Variants in MAN1A1 observed in about 807,000 individuals in gnomAD.
MAN1A1 encodes mannosidase alpha class 1A member 1, also known as mannosyl-oligosaccharide 1,2-alpha-mannosidase IA.
In MAN1A1, 29 loss-of-function variants were observed where a neutral mutation model predicts 70.8. The observed-to-expected ratio is 0.41, with a 90% CI of 0.31 to 0.56. MAN1A1 has a LOEUF of 0.56. MAN1A1 is among the 20% of genes least tolerant of loss of function. The pLI, the probability that MAN1A1 is intolerant of heterozygous loss-of-function variation, is 0.29. For missense variants in MAN1A1, 747 were observed against 841.3 expected, an observed-to-expected ratio of 0.89 and a Z score of 1.39; for synonymous variants, 349 against 330.1, an observed-to-expected ratio of 1.06 and a Z score of -0.62.
rs116001356 is a variant in MAN1A1, at chr6:119,194,561, C to T, written c.1211-669G>A. Among the ~76,000 whole-genome samples the T allele has an allele frequency of 2.8e-3, 424 of 152,162 alleles. 4 individuals are homozygous for T. The highest frequency in any genetic ancestry group is 9.4e-3 in the African/African-American group (391 of 41,522). On this transcript the variant is annotated intron_variant, in intron 8 of 12. Coordinates refer to ENST00000368468, the MANE Select transcript of MAN1A1 (RefSeq NM_005907.4). ...CTGATATACAACTCCTGGCCTCAAG[C>T]AATCCTCCCACCTGGGCCTCTCACA...
chr6:119,181,026 C>T (rs1773140027), intron 11 of MAN1A1, among the ~76,000 whole-genome samples: 1 of 152,166 alleles, frequency 6.6e-6, no homozygotes, highest in African/African-American at 2.4e-5. Flanking sequence ...TGGTCTGGAG[C>T]AGGGTTTAGC....
chr6:119,226,069 T>G (rs1259747962), intron 6 of MAN1A1, among the ~76,000 whole-genome samples: 1 of 152,192 alleles, frequency 6.6e-6, no homozygotes, highest in East Asian at 1.9e-4. Context: ...CTCTACCATT[T>G]TAAAGTTCCT....
Position 119,188,438 on chromosome 6 carries a change from T to C in MAN1A1, c.1686A>G (p.Pro562=). Residue 562 remains proline (P), a synonymous_variant, in exon 11 of 13, where the codon CCA becomes CCG. Transcript: ENST00000368468. ...YMYMWRLTHD[P]KYRKWAWEAV... is the part of the protein sequence containing the mutation. Reference sequence around the variant, plus strand: ...CTTCCCAGGCCCATTTCCTGTACTTTGGATCATGAGTCAGTCTCCACATAT... The same window carrying C: ...CTTCCCAGGCCCATTTCCTGTACTTCGGATCATGAGTCAGTCTCCACATAT... The C allele has an allele frequency of 6.2e-7, 1 of 1,612,634 alleles. No individual in the cohort carries two copies. The highest frequency in any genetic ancestry group is 8.5e-7 in the Non-Finnish European group (1 of 1,179,444).
In MAN1A1 at chr6:119,233,672, AAAAGGCTTTCTT is replaced by A. The variant is rs1774752306; in HGVS notation, c.992+14576_992+14587del. On this transcript the variant is annotated intron_variant, in intron 6 of 12. Coordinates refer to ENST00000368468, the MANE Select transcript of MAN1A1 (RefSeq NM_005907.4). Reference sequence around the variant, plus strand: ...TAATTCTTAAATCTAAAAGCAAGAAAAAAGGCTTTCTTAAATCTTCAGACATACATTGCTCCC... The same window carrying A: ...TAATTCTTAAATCTAAAAGCAAGAAAAAATCTTCAGACATACATTGCTCCC... Among the ~76,000 whole-genome samples the A allele has an allele frequency of 2.6e-5, 4 of 152,372 alleles. No individual in the cohort carries two copies. The South Asian group carries it at 6.2e-4, about 24-fold the overall frequency.
At chr6:119,198,073 C>T (rs17442154) in intron 8 of MAN1A1, among the ~76,000 whole-genome samples, 7,085 of 152,278 alleles carry the variant, frequency 0.047, 209 homozygotes, top group East Asian at 0.082. Flanking sequence ...TAGAGAATCA[C>T]ATCCTGTCAC....
intron 6 of MAN1A1, among the ~76,000 whole-genome samples, chr6:119,230,209 A>G (rs921446464): frequency 6.6e-6 from 1 of 152,226 alleles, no homozygotes; most frequent in South Asian, 2.1e-4. Context: ...GAGGTAAAAC[A>G]TGACAATCTA....
chr6:119,339,247 T>C (rs1022331268), intron 2 of MAN1A1, among the ~76,000 whole-genome samples: 34 of 152,194 alleles, frequency 2.2e-4, no homozygotes, highest in Non-Finnish European at 4.9e-4. Context: ...TTGGCCAATT[T>C]ATTTCCCCTC....
intron 2 of MAN1A1, among the ~76,000 whole-genome samples, chr6:119,316,507 T>C (rs1250624783): frequency 2.0e-5 from 3 of 152,136 alleles, no homozygotes; most frequent in African/African-American, 7.2e-5. Flanking sequence ...GATGCTCCCT[T>C]AATATCCTAA....
intron 5 of MAN1A1, among the ~76,000 whole-genome samples, chr6:119,279,865 C>A (rs190497397): frequency 6.6e-6 from 1 of 152,314 alleles, no homozygotes; most frequent in East Asian, 1.9e-4. Context: ...AATTTGGATT[C>A]TATCCTATTA....
At position 119,349,116 on chromosome 6, in the gene MAN1A1, C is replaced by G; in HGVS notation, c.-51G>C. On this transcript the variant is annotated 5_prime_UTR_variant, in exon 2 of 13. Transcript: ENST00000368468. ...GCCGCGCCGCTCAGCAGCCAAACTT[C>G]GCCGCCGCTGGGAGTCCGCGGCTGC... 7.9e-7 allele frequency: 1 copy of G among 1,259,604 alleles called. No homozygotes were observed. The highest frequency in any genetic ancestry group is 1.0e-6 in the Non-Finnish European group (1 of 1,003,940). 78.0% of individuals were successfully genotyped at this position (1,259,604 alleles called of 1,614,324 possible). A position where few individuals can be genotyped will look rare whatever the true frequency, so the allele number is the denominator to read the frequency against.
At chr6:119,182,900 A>G (rs1340270929) in intron 11 of MAN1A1, among the ~76,000 whole-genome samples, 1 of 151,222 alleles carries the variant, frequency 6.6e-6, no homozygotes, top group Non-Finnish European at 1.5e-5. Context: ...TTTTTCTCCC[A>G]TTTAATCCAA....
At chr6:119,188,667 C>T (rs1409639827) in intron 10 of MAN1A1, 90 bp from the exon 11 acceptor site, 43 of 1,177,134 alleles carry the variant, frequency 3.7e-5, no homozygotes, top group Non-Finnish European at 4.7e-5. Context: ...GTACAGTCAT[C>T]CCTCAGTATC....
intron 5 of MAN1A1, among the ~76,000 whole-genome samples, chr6:119,272,949 C>T (rs1037924231): frequency 6.6e-6 from 1 of 151,944 alleles, no homozygotes; most frequent in Non-Finnish European, 1.5e-5. Context: ...AAATAAACAA[C>T]CTTCTAAGAT....
chr6:119,179,074 G>C lies in MAN1A1; in HGVS notation c.*745C>G, dbSNP rs3798602. 1 of 151,938 alleles carries C rather than the reference G, an allele frequency of 6.6e-6. No homozygotes were observed. Among genetic ancestry groups the C allele is most frequent in the Non-Finnish European group, 1.5e-5 (1 of 67,924 alleles). The allele number at this position is 151,938 out of a possible 1,614,324, so 9.4% of individuals were successfully genotyped here. A position where few individuals can be genotyped will look rare whatever the true frequency, so the allele number is the denominator to read the frequency against. On this transcript the variant is annotated 3_prime_UTR_variant, in exon 13 of 13. Coordinates refer to ENST00000368468, the MANE Select transcript of MAN1A1 (RefSeq NM_005907.4). ...TTGAAAGCTCACCTCTCTGTGTAGT[G>C]GGGAATGGAAGAAATTAACTAGTAT...
At chr6:119,232,111 C>T (rs1357274987) in intron 6 of MAN1A1, among the ~76,000 whole-genome samples, 3 of 152,206 alleles carry the variant, frequency 2.0e-5, no homozygotes, top group South Asian at 2.1e-4. Context: ...TGGTGGCTTA[C>T]GCCTGTAATC....
chr6:119,215,408 AG>A (rs2114961937), intron 6 of MAN1A1, among the ~76,000 whole-genome samples: 1 of 152,312 alleles, frequency 6.6e-6, no homozygotes, highest in East Asian at 1.9e-4. Context: ...TCTCACTTCT[AG>A]GGAATCATTA....
intron 2 of MAN1A1, among the ~76,000 whole-genome samples, chr6:119,319,047 A>G (rs1307806064): frequency 6.6e-6 from 1 of 152,206 alleles, no homozygotes; most frequent in African/African-American, 2.4e-5. Context: ...AAGTACTGAG[A>G]TATGGATTAT....
At position 119,202,331 on chromosome 6, in the gene MAN1A1, T is replaced by TA. The variant is rs1403685499; in HGVS notation, c.1117-985dup. 2.6e-5 allele frequency among the ~76,000 whole-genome samples: 4 copies of TA among 152,252 alleles called. No homozygotes were observed. In the East Asian group the frequency reaches 7.7e-4, roughly 29 times the overall value. On this transcript the variant is annotated intron_variant, in intron 7 of 12. Transcript: ENST00000368468. ...GCTTAGGACTCCACAGGACCATCAA[T>TA]ATCACTGTCTTCCACTTCTACATCT...
intron 2 of MAN1A1, among the ~76,000 whole-genome samples, chr6:119,313,241 A>G (rs574287222): frequency 6.6e-6 from 1 of 152,254 alleles, no homozygotes; most frequent in South Asian, 2.1e-4. Context: ...ATTACATCTG[A>G]AAGTATTTAG....
Sources: allele counts gnomAD v4.1 joint callset (sites outside exome capture counted in the v4.1 genomes callset), GRCh38; gene constraint gnomAD v4.1.1; transcripts MANE v1.5; gene names NCBI Gene and HGNC (gene_info 2026-07-23, HGNC 2026-07-21).